The following ARMC2 variants were observed in gnomAD, a reference collection of about 807,000 sequenced individuals.
ARMC2 encodes the protein armadillo repeat containing 2.
ARMC2 carries 67 observed loss-of-function variants against 90.3 expected under a neutral mutation model. The ratio of observed to expected loss-of-function variants is 0.74; its 90% confidence interval spans 0.61 to 0.91. The LOEUF (loss-of-function observed/expected upper bound fraction) is 0.91. ARMC2 is among the 40% of genes least tolerant of loss of function. The pLI is 0.00. For synonymous variants in ARMC2, 393 were observed against 393.0 expected, an observed-to-expected ratio of 1.00 and a Z score of 0.00; for missense variants, 920 against 1,030.9, an observed-to-expected ratio of 0.89 and a Z score of 1.47.
intron 17 of ARMC2, among the ~76,000 whole-genome samples, chr6:108,968,365 G>C (rs1778520528): frequency 6.6e-6 from 1 of 152,178 alleles, no homozygotes; most frequent in African/African-American, 2.4e-5. Flanking sequence ...CCGTTACCTA[G>C]AACACCCTTA....
At chr6:108,934,045 A>G (rs1021091679) in intron 11 of ARMC2, among the ~76,000 whole-genome samples, 1 of 152,092 alleles carries the variant, frequency 6.6e-6, no homozygotes, top group South Asian at 2.1e-4. Flanking sequence ...TATTTTTAGT[A>G]GAGATGGAGT....
rs532880801 is a variant in ARMC2, at chr6:108,863,421, A to G, written c.291+5150A>G. On this transcript the variant is annotated intron_variant, in intron 3 of 17. Transcript: ENST00000392644. ...TCATTAACGTTTATATCTACCTGCT[A>G]TATAGGTGTGCCAGTTTACGTCTTT... 2.0e-5 allele frequency among the ~76,000 whole-genome samples: 3 copies of G among 152,156 alleles called. No homozygotes were observed. The South Asian group carries it at 6.2e-4, about 32-fold the overall frequency.
the ARMC2 span, among the ~76,000 whole-genome samples, chr6:109,037,663 TG>T: frequency 6.6e-6 from 1 of 152,188 alleles, no homozygotes; most frequent in Admixed American, 6.5e-5. Flanking sequence ...ATGGTTTTAA[TG>T]TTGAAATATT....
chr6:108,936,949 A>G lies in ARMC2; in HGVS notation c.1546A>G (p.Arg516Gly), dbSNP rs567673518. The stretch of plus-strand genomic sequence containing the variant: ...CTGCACAGCCTTGGCCAGCTATTCC[A>G]GATGTTATGCCTTATTTCTGAATCT... ...DCCTALASYS[R>G]CYALFLNLIN... Residue 516 changes from arginine (R) to glycine (G), a missense_variant, in exon 12 of 18, where the codon AGA becomes GGA. Coordinates refer to ENST00000392644, the MANE Select transcript of ARMC2 (RefSeq NM_032131.6). 2 of 1,604,500 alleles carry G rather than the reference A, an allele frequency of 1.2e-6. No individual in the cohort carries two copies. Among genetic ancestry groups the G allele is most frequent in the South Asian group, 2.2e-5 (2 of 88,938 alleles).
chr6:109,016,099 T>C, the ARMC2 span, among the ~76,000 whole-genome samples: 52 of 152,320 alleles, frequency 3.4e-4, no homozygotes, highest in South Asian at 3.5e-3. Flanking sequence ...CATTTAACCA[T>C]AGGATTTTTA....
chr6:108,908,703 G>A (rs367831150), intron 8 of ARMC2, among the ~76,000 whole-genome samples: 18 of 152,008 alleles, frequency 1.2e-4, no homozygotes, highest in African/African-American at 3.9e-4. Context: ...AGCTGTAATG[G>A]CGGCATCACT....
In ARMC2 at chr6:108,936,988, C is replaced by G. The variant is rs752492005; in HGVS notation, c.1585C>G (p.Gln529Glu). Residue 529 changes from glutamine (Q) to glutamate (E), a missense_variant, in exon 12 of 18, where the codon CAG (glutamine) becomes GAG (glutamate). Gln to Glu is a conservative substitution (Grantham distance 29). Transcript: ENST00000392644. ...ATTTCTGAATCTAATTAACAAATAC[C>G]AGAAGAAGCAGGTCAGTTCTTCATT... ...ALFLNLINKY[Q>E]KKQDLVVRVV... 6.3e-7 allele frequency: 1 copy of G among 1,590,608 alleles called. No homozygotes were observed. The highest frequency in any genetic ancestry group is 1.1e-5 in the South Asian group (1 of 87,560).
intron 13 of ARMC2, among the ~76,000 whole-genome samples, chr6:108,959,682 A>ATTTATT (rs1181969830): frequency 6.0e-5 from 9 of 151,240 alleles, no homozygotes; most frequent in Non-Finnish European, 1.2e-4. Flanking sequence ...TTATTTATTT[A>ATTTATT]TTTATTTTTA....
At chr6:108,993,042 G>A in the ARMC2 span, 1 of 587,864 alleles carries the variant, frequency 1.7e-6, no homozygotes, top group Non-Finnish European at 3.0e-6. Flanking sequence ...ATTATACAAA[G>A]TAGTTTACTT....
chr6:109,021,138 C>T, the ARMC2 span, among the ~76,000 whole-genome samples: 1 of 152,000 alleles, frequency 6.6e-6, no homozygotes, highest in African/African-American at 2.4e-5. Flanking sequence ...GGACTACAGG[C>T]ATGCCACCAT....
the ARMC2 span, among the ~76,000 whole-genome samples, chr6:109,051,328 T>G: frequency 8.0e-6 from 1 of 125,744 alleles, no homozygotes; most frequent in Admixed American, 7.6e-5. Context: ...TGAAACTGAG[T>G]CAGACAATAA....
chr6:108,861,362 G>T (rs558986471), intron 3 of ARMC2, among the ~76,000 whole-genome samples: 1 of 152,332 alleles, frequency 6.6e-6, no homozygotes, highest in African/African-American at 2.4e-5. Flanking sequence ...TGCAGACATT[G>T]TGATACTTCA....
the ARMC2 span, chr6:109,009,349 G>C: frequency 6.8e-7 from 1 of 1,468,916 alleles, no homozygotes; most frequent in South Asian, 1.3e-5. Flanking sequence ...TCAGCCCCTC[G>C]CCCAGGTACC....
At chr6:109,042,666 T>C in the ARMC2 span, among the ~76,000 whole-genome samples, 4 of 151,900 alleles carry the variant, frequency 2.6e-5, no homozygotes, top group Non-Finnish European at 5.9e-5. Flanking sequence ...TACTATGAAA[T>C]AGATCACCTG....
At chr6:109,003,796 A>G in the ARMC2 span, among the ~76,000 whole-genome samples, 2 of 152,220 alleles carry the variant, frequency 1.3e-5, no homozygotes, top group Non-Finnish European at 2.9e-5. Flanking sequence ...TTTATATACA[A>G]TGATGACTCT....
At chr6:108,916,849 C>T (rs1774020752) in intron 10 of ARMC2, among the ~76,000 whole-genome samples, 1 of 152,122 alleles carries the variant, frequency 6.6e-6, no homozygotes, top group South Asian at 2.1e-4. Context: ...CTCTGTTGTG[C>T]CCTTTCCTGG....
the ARMC2 span, among the ~76,000 whole-genome samples, chr6:108,985,080 A>G: frequency 6.6e-6 from 1 of 152,212 alleles, no homozygotes; most frequent in African/African-American, 2.4e-5. Context: ...TCACATATAC[A>G]AATATGCTAG....
At chr6:108,865,091 T>C (rs2128425148) in intron 3 of ARMC2, among the ~76,000 whole-genome samples, 1 of 151,222 alleles carries the variant, frequency 6.6e-6, no homozygotes, top group South Asian at 2.1e-4. Flanking sequence ...CAAGCAATTC[T>C]CCTGCCTCAG....
chr6:108,901,081 C>T (rs1046380503), intron 7 of ARMC2, among the ~76,000 whole-genome samples: 10 of 140,630 alleles, frequency 7.1e-5, no homozygotes, highest in Admixed American at 2.2e-4. Context: ...AGGAAGCCTT[C>T]CTACAGGAAA....
Sources: allele counts gnomAD v4.1 joint callset (sites outside exome capture counted in the v4.1 genomes callset), GRCh38; gene constraint gnomAD v4.1.1; transcripts MANE v1.5; gene names NCBI Gene and HGNC (gene_info 2026-07-23, HGNC 2026-07-21).